CERS4: variants seen among roughly 807,000 people sequenced by gnomAD.
CERS4 encodes the protein LAG1 homolog, ceramide synthase 4.
Under a neutral mutation model 51.8 loss-of-function variants are expected in CERS4, and 65 were observed. That is an observed-to-expected ratio of 1.26 (90% CI 1.03 to 1.54). The LOEUF (loss-of-function observed/expected upper bound fraction) is 1.54, where lower values mean the gene tolerates loss of function less well. CERS4 is among the 40% of genes most tolerant of loss of function. CERS4 has a pLI of 0.00. For synonymous variants in CERS4, 228 were observed against 208.4 expected (o/e 1.09, Z -0.81); for missense variants, 563 against 500.4 (o/e 1.13, Z -1.19).
chr19:8,254,332 A>AAAAAAAAAG (rs1969254300), intron 3 of CERS4, among the ~76,000 whole-genome samples, 167 bp from the exon 4 acceptor site: 1 of 148,862 alleles, frequency 6.7e-6, no homozygotes, highest in African/African-American at 2.5e-5. Flanking sequence ...CAAAAAAAAA[A>AAAAAAAAAG]AAAAAAAAAA....
chr19:8,260,071 A>T (rs756284056), intron 10 of CERS4, among the ~76,000 whole-genome samples: 19 of 151,802 alleles, frequency 1.3e-4, no homozygotes, highest in Non-Finnish European at 2.1e-4. Context: ...CCCAGGGAGG[A>T]GGGAGGGCTG....
chr19:8,251,376 C>T, intron 3 of CERS4, 127 bp downstream of exon 3: 1 of 1,416,466 alleles, frequency 7.1e-7, no homozygotes, highest in Non-Finnish European at 9.2e-7. Context: ...AGCGCGTTCC[C>T]TGGCTCCAGC....
rs185021529 is a variant in CERS4 at position 8,238,549 on chromosome 19, T to A, written c.-1-12527T>A. On this transcript the variant is annotated intron_variant, in intron 2 of 11. Transcript: ENST00000251363. ...ATAGAACTGCAGAAGAGACAGATGA[T>A]TCCAGAAGGGTAAGGAGGTGGAGGC... 385 of 985,328 alleles carry A rather than the reference T, an allele frequency of 3.9e-4. 2 individuals are homozygous for A. The African/African-American group carries it at 6.0e-3, about 15-fold the overall frequency. 61.0% of individuals were successfully genotyped at this position (985,328 alleles called of 1,614,324 possible).
chr19:8,240,323 G>A (rs1183838871), intron 2 of CERS4, among the ~76,000 whole-genome samples: 2 of 152,122 alleles, frequency 1.3e-5, no homozygotes, highest in Non-Finnish European at 2.9e-5. Flanking sequence ...GGTCTTTGGG[G>A]GGAGTGGTAC....
Position 8,261,710 on chromosome 19 carries a change from G to A in CERS4, c.871G>A (p.Glu291Lys), listed in dbSNP as rs142319862. The A allele has an allele frequency of 1.5e-5, 24 of 1,613,918 alleles. No individual in the cohort carries two copies. Among genetic ancestry groups the A allele is most frequent in the African/African-American group, 5.3e-5 (4 of 74,878 alleles). ...PTQILYTTYY[E>K]SISNRGPFFG... is the part of the protein sequence containing the mutation. Reference sequence around the variant, plus strand: ...TAGGATCCTCTACACCACATACTACGAGTCCATCAGCAACAGGGGCCCCTT... The same window carrying A: ...TAGGATCCTCTACACCACATACTACAAGTCCATCAGCAACAGGGGCCCCTT... Residue 291 changes from glutamate to lysine, a missense_variant, in exon 11 of 12, where the codon GAG becomes AAG. By Grantham distance (56) the Glu-to-Lys change is moderately conservative (BLOSUM62 1). Transcript: ENST00000251363.
intron 7 of CERS4, 139 bp downstream of exon 7, chr19:8,256,425 A>C (rs768917462): frequency 2.5e-5 from 26 of 1,044,874 alleles, no homozygotes; most frequent in Non-Finnish European, 3.2e-5. Flanking sequence ...TCCTCTGGGG[A>C]ATAGAGAGGG....
At chr19:8,256,163 C>A in intron 6 of CERS4, 73 bp from the exon 7 acceptor site, 1 of 1,488,682 alleles carries the variant, frequency 6.7e-7, no homozygotes, top group South Asian at 1.2e-5. Context: ...GAAGGAGAAC[C>A]AAAGAGACCG....
chr19:8,221,609 G>A (rs1158780215), intron 2 of CERS4, among the ~76,000 whole-genome samples: 1 of 149,116 alleles, frequency 6.7e-6, no homozygotes, highest in Non-Finnish European at 1.5e-5. Flanking sequence ...GCAGTGGCAC[G>A]ATCTTGGCTC....
rs1969744488 is a variant in CERS4 at position 8,262,145 on chromosome 19, C to A, written c.*36C>A. 2 of 1,428,616 alleles carry A rather than the reference C, an allele frequency of 1.4e-6. No individual in the cohort carries two copies. Among genetic ancestry groups the A allele is most frequent in the African/African-American group, 1.4e-5 (1 of 69,418 alleles). The allele number at this position is 1,428,616 out of a possible 1,614,324, so 88.5% of individuals were successfully genotyped here. A position where few individuals can be genotyped will look rare whatever the true frequency, so the allele number is the denominator to read the frequency against. The stretch of plus-strand genomic sequence containing the variant: ...CTGGCTGTAAGGGGTTGCCCCCCCG[C>A]CAGTGCCTTGGATATTTCTGGGGTG... On this transcript the variant is annotated 3_prime_UTR_variant, in exon 12 of 12. Transcript: ENST00000251363.
At chr19:8,245,122 A>AAAAACAAAAAAAAAAAAAAAAAAC (rs1555777239) in intron 2 of CERS4, among the ~76,000 whole-genome samples, 1 of 129,258 alleles carries the variant, frequency 7.7e-6, no homozygotes, top group Admixed American at 7.8e-5. Flanking sequence ...AAAAAAAAAA[A>AAAAACAAAAAAAAAAAAAAAAAAC]AAAAAAAAAA....
intron 10 of CERS4, among the ~76,000 whole-genome samples, chr19:8,258,836 T>C (rs559161675): frequency 1.4e-4 from 21 of 149,830 alleles, no homozygotes; most frequent in Admixed American, 6.0e-4. Context: ...AGGGAGACTT[T>C]GTCTTAAATC....
intron 3 of CERS4, 97 bp from the exon 4 acceptor site, chr19:8,254,402 G>A (rs1467156390): frequency 2.6e-5 from 27 of 1,022,850 alleles, no homozygotes; most frequent in South Asian, 2.0e-4. Flanking sequence ...TTGCCCCTCC[G>A]AGACTTGGTT....
At position 8,256,026 on chromosome 19, in the gene CERS4, T is replaced by A. The variant is rs1477869011; in HGVS notation, c.468+147T>A. ...AGCTTTGCAAGATGGTGGTGAATGT[T>A]CACTCAACAGGTATTTGGATTTACT... is the stretch of plus-strand genomic sequence containing the variant. On this transcript the variant is annotated intron_variant, in intron 6 of 11. Transcript: ENST00000251363. 26 of 986,808 alleles carry A rather than the reference T, an allele frequency of 2.6e-5. No homozygotes were observed. The South Asian group carries it at 3.9e-4, about 15-fold the overall frequency. 61.1% of individuals were successfully genotyped at this position (986,808 alleles called of 1,614,324 possible). A position where few individuals can be genotyped will look rare whatever the true frequency, so the allele number is the denominator to read the frequency against.
chr19:8,236,372 T>TA (rs1019299005), intron 2 of CERS4, among the ~76,000 whole-genome samples: 2 of 152,120 alleles, frequency 1.3e-5, no homozygotes, highest in African/African-American at 4.8e-5. Context: ...AGGTGTTTCT[T>TA]AAACTTTCCC....
chr19:8,261,038 C>T (rs1000247662), intron 10 of CERS4: 23 of 151,932 alleles, frequency 1.5e-4, no homozygotes, highest in African/African-American at 5.6e-4. Context: ...AGGACAGTGT[C>T]CCAGGCAACA....
At chr19:8,246,181 A>T (rs1287929143) in intron 2 of CERS4, among the ~76,000 whole-genome samples, 2 of 152,056 alleles carry the variant, frequency 1.3e-5, no homozygotes, top group Non-Finnish European at 2.9e-5. Context: ...GGTATGAGGG[A>T]AGTTTCTAGA....
At chr19:8,220,481 T>C (rs1021230003) in intron 2 of CERS4, among the ~76,000 whole-genome samples, 1 of 152,094 alleles carries the variant, frequency 6.6e-6, no homozygotes, top group Non-Finnish European at 1.5e-5. Context: ...ATTTTTATAT[T>C]TTTAGTAGAA....
rs1966995345 is a variant in CERS4 at position 8,209,421 on chromosome 19, C to G, written c.-232C>G. 1 of 151,138 alleles carries G rather than the reference C, an allele frequency of 6.6e-6. No homozygotes were observed. Among genetic ancestry groups the G allele is most frequent in the Non-Finnish European group, 1.5e-5 (1 of 67,596 alleles). 9.4% of individuals were successfully genotyped at this position (151,138 alleles called of 1,614,324 possible). On this transcript the variant is annotated 5_prime_UTR_variant, in exon 1 of 12. Coordinates refer to ENST00000251363, the MANE Select transcript of CERS4 (RefSeq NM_024552.3). ...GGGCGGCGCGTGTCTGCAGCTGCTCCGGGTAGCCCGCTAGGCGCGCCGTCC... is the reference window on the plus strand; with the variant it reads ...GGGCGGCGCGTGTCTGCAGCTGCTCGGGGTAGCCCGCTAGGCGCGCCGTCC...
chr19:8,261,267 CCT>C (rs753946535), intron 10 of CERS4: 233 of 176,972 alleles, frequency 1.3e-3, no homozygotes, highest in Non-Finnish European at 2.2e-3. Flanking sequence ...AGCCCTGCTC[CCT>C]GTGTCTTCCT....
Sources: allele counts gnomAD v4.1 joint callset (sites outside exome capture counted in the v4.1 genomes callset), GRCh38; gene constraint gnomAD v4.1.1; transcripts MANE v1.5; gene names NCBI Gene and HGNC (gene_info 2026-07-23, HGNC 2026-07-21).